Variants in DIP2C observed in about 807,000 individuals in gnomAD.
The protein encoded by DIP2C is DIP2 acetate--CoA ligase C (putative), also known as disco-interacting protein 2 homolog C.
In DIP2C, 33 loss-of-function variants were observed where a neutral mutation model predicts 192.4. That is an observed-to-expected ratio of 0.17 (90% confidence interval 0.13 to 0.23). DIP2C has a LOEUF of 0.23. DIP2C is among the 10% of genes least tolerant of loss of function. The pLI is 1.00. For missense variants in DIP2C, 1,537 were observed against 2,110.1 expected (o/e 0.73, Z 5.32); for synonymous variants, 979 against 864.1 (o/e 1.13, Z -2.33).
chr10:335,213 GTTAC>G (rs950712039), intron 29 of DIP2C, among the ~76,000 whole-genome samples: 1 of 152,144 alleles, frequency 6.6e-6, no homozygotes, highest in Non-Finnish European at 1.5e-5. Flanking sequence ...AATTATTTGT[GTTAC>G]TTAACTTTCA....
intron 1 of DIP2C, among the ~76,000 whole-genome samples, chr10:568,868 C>T (rs966953979): frequency 1.4e-4 from 21 of 147,772 alleles, no homozygotes; most frequent in Middle Eastern, 3.4e-3. Flanking sequence ...CTGCAATGAG[C>T]CATCTCAGAG....
chr10:378,912 CAGACATGCGTGA>C (rs1167274468), intron 17 of DIP2C, among the ~76,000 whole-genome samples: 5 of 152,262 alleles, frequency 3.3e-5, no homozygotes, highest in African/African-American at 1.2e-4. Flanking sequence ...GACACGGACA[CAGACATGCGTGA>C]GGACAGGCGA....
At chr10:485,282 G>A (rs1037884446) in intron 2 of DIP2C, among the ~76,000 whole-genome samples, 1 of 152,258 alleles carries the variant, frequency 6.6e-6, no homozygotes, top group African/African-American at 2.4e-5. Flanking sequence ...CACAGGGACA[G>A]GGCGGGGGCA....
intron 1 of DIP2C, among the ~76,000 whole-genome samples, chr10:563,238 G>T (rs1391158647): frequency 6.6e-6 from 1 of 152,178 alleles, no homozygotes; most frequent in Non-Finnish European, 1.5e-5. Flanking sequence ...CGATTTTAAG[G>T]CTTGGGGCTG....
chr10:580,843 T>C (rs1243024074), intron 1 of DIP2C, among the ~76,000 whole-genome samples: 1 of 152,220 alleles, frequency 6.6e-6, no homozygotes, highest in Non-Finnish European at 1.5e-5. Context: ...CCACTTTCTG[T>C]CAGAGCTCTG....
intron 2 of DIP2C, among the ~76,000 whole-genome samples, chr10:474,305 C>CT (rs1564756319): frequency 1.3e-5 from 2 of 152,324 alleles, no homozygotes; most frequent in East Asian, 3.9e-4. Context: ...AAATACCGTT[C>CT]TATCTTACGC....
At chr10:300,491 A>G (rs189479493) in intron 32 of DIP2C, among the ~76,000 whole-genome samples, 414 of 152,324 alleles carry the variant, frequency 2.7e-3, no homozygotes, top group Middle Eastern at 0.024. Flanking sequence ...GGCCGAGAAA[A>G]GAGGGATGGA....
chr10:294,486 A>G (rs528173154), intron 32 of DIP2C, among the ~76,000 whole-genome samples: 1 of 152,196 alleles, frequency 6.6e-6, no homozygotes, highest in African/African-American at 2.4e-5. Context: ...GTGTACCCGC[A>G]GTCCCAACTA....
rs571117767 is a variant in DIP2C at position 480,878 on chromosome 10, T to C, written c.157+5581A>G. Among the ~76,000 whole-genome samples, 81 of 152,308 alleles carry C rather than the reference T, an allele frequency of 5.3e-4. 2 individuals carry two copies. In the South Asian group the frequency reaches 0.012, roughly 22 times the overall value. On this transcript the variant is annotated intron_variant, in intron 2 of 36. Transcript: ENST00000280886. ...CACCTGTCACTACAGCAACGCGGTC[T>C]AGAAAGATTCACGCTATGTCACAGG...
intron 1 of DIP2C, among the ~76,000 whole-genome samples, chr10:568,100 G>A (rs1849555014): frequency 6.6e-6 from 1 of 152,184 alleles, no homozygotes; most frequent in Non-Finnish European, 1.5e-5. Context: ...CACAGCCCTG[G>A]AGCTCCACTC....
At chr10:602,257 T>C (rs574598795) in intron 1 of DIP2C, among the ~76,000 whole-genome samples, 2 of 152,300 alleles carry the variant, frequency 1.3e-5, no homozygotes, top group East Asian at 3.9e-4. Context: ...CCAGAGGGTC[T>C]CCGCTTCTTG....
chr10:381,962 A>T (rs772910269), intron 17 of DIP2C, among the ~76,000 whole-genome samples: 6 of 152,062 alleles, frequency 3.9e-5, no homozygotes, highest in Non-Finnish European at 7.4e-5. Flanking sequence ...CTGTTCTCCT[A>T]CAACAGCATA....
At chr10:384,945 CAG>C in intron 14 of DIP2C, among the ~76,000 whole-genome samples, 1 of 150,002 alleles carries the variant, frequency 6.7e-6, no homozygotes, top group Admixed American at 6.7e-5. Context: ...CTGCACGGGC[CAG>C]GAGGAGCAGC....
chr10:658,503 G>A (rs562730930), intron 1 of DIP2C, among the ~76,000 whole-genome samples: 14 of 152,344 alleles, frequency 9.2e-5, no homozygotes, highest in East Asian at 3.9e-4. Context: ...GGATGAAGCC[G>A]ACAGAATGAG....
At chr10:588,538 G>A (rs1010600651) in intron 1 of DIP2C, among the ~76,000 whole-genome samples, 2 of 152,240 alleles carry the variant, frequency 1.3e-5, no homozygotes, top group Admixed American at 6.5e-5. Flanking sequence ...TTGGGTCCCT[G>A]CCGGGAAAGT....
At chr10:527,944 A>T (rs1847154363) in intron 1 of DIP2C, among the ~76,000 whole-genome samples, 1 of 152,098 alleles carries the variant, frequency 6.6e-6, no homozygotes, top group Non-Finnish European at 1.5e-5. Context: ...GCTCCACGTA[A>T]TTATGTAGAT....
At chr10:330,374 GGTAA>G (rs1957450114) in intron 29 of DIP2C, among the ~76,000 whole-genome samples, 1 of 151,818 alleles carries the variant, frequency 6.6e-6, no homozygotes, top group African/African-American at 2.4e-5. Flanking sequence ...CAATTGATGG[GGTAA>G]GTGTGGATTT....
chr10:664,199 A>G (rs1395482973), intron 1 of DIP2C: 1 of 152,284 alleles, frequency 6.6e-6, no homozygotes, highest in Non-Finnish European at 1.5e-5. Context: ...AACGTTGCTC[A>G]GGGTATCTCC....
intron 1 of DIP2C, among the ~76,000 whole-genome samples, chr10:589,872 T>A (rs1851300368): frequency 6.6e-6 from 1 of 152,138 alleles, no homozygotes; most frequent in Admixed American, 6.5e-5. Context: ...GGCCACAACA[T>A]GAGACCAATG....
Sources: gnomAD v4.1 joint callset for allele counts (sites outside exome capture counted in the v4.1 genomes callset) on GRCh38, gnomAD v4.1.1 for gene constraint, MANE v1.5 for transcripts, NCBI Gene and HGNC (gene_info 2026-07-23, HGNC 2026-07-21) for gene names.